Variants in CNOT6 observed in about 807,000 individuals in gnomAD.
The protein encoded by CNOT6 is carbon catabolite repression 4 protein.
In CNOT6, 12 loss-of-function variants were observed where a neutral mutation model predicts 61.2. That is an observed-to-expected ratio of 0.20 (90% confidence interval 0.13 to 0.32). CNOT6 has a LOEUF of 0.32. Among genes scored for constraint, CNOT6 ranks in the 10% least tolerant of loss-of-function variants. The pLI, the probability that CNOT6 is intolerant of heterozygous loss-of-function variation, is 1.00. For missense variants in CNOT6, 405 were observed against 663.9 expected, an observed-to-expected ratio of 0.61 and a Z score of 4.28; for synonymous variants, 225 against 240.6, an observed-to-expected ratio of 0.94 and a Z score of 0.60.
At chr5:180,571,106 A>G (rs1760726152) in intron 10 of CNOT6, 124 bp from the exon 11 acceptor site, 1 of 664,080 alleles carries the variant, frequency 1.5e-6, no homozygotes, top group Non-Finnish European at 2.6e-6. Context: ...AGTCCTGGCA[A>G]ATGTAAAAGG....
At chr5:180,548,550 C>A (rs1162116644) in intron 2 of CNOT6, among the ~76,000 whole-genome samples, 3 of 152,208 alleles carry the variant, frequency 2.0e-5, no homozygotes, top group Admixed American at 6.5e-5. Flanking sequence ...GGATCACTGT[C>A]CTCTACCTGG....
chr5:180,551,950 A>G (rs945479255), intron 3 of CNOT6, among the ~76,000 whole-genome samples: 2 of 148,902 alleles, frequency 1.3e-5, no homozygotes, highest in Non-Finnish European at 3.0e-5. Flanking sequence ...GCTCACTGCA[A>G]CCTCTGCCTC....
At chr5:180,502,365 A>G (rs1168412467) in intron 1 of CNOT6, among the ~76,000 whole-genome samples, 1 of 149,576 alleles carries the variant, frequency 6.7e-6, no homozygotes, top group Admixed American at 6.6e-5. Flanking sequence ...TTCAGTTACT[A>G]GAAGAAGAAG....
chr5:180,535,651 C>A (rs1357872316), intron 2 of CNOT6, among the ~76,000 whole-genome samples: 5 of 152,186 alleles, frequency 3.3e-5, no homozygotes. Context: ...ATGATGATTT[C>A]TTTCCCTTTG....
chr5:180,547,433 T>G (rs985614168), intron 2 of CNOT6, among the ~76,000 whole-genome samples: 2 of 151,740 alleles, frequency 1.3e-5, no homozygotes, highest in African/African-American at 4.8e-5. Flanking sequence ...GGCAGGAGAA[T>G]CGCTTGAACC....
intron 4 of CNOT6, among the ~76,000 whole-genome samples, chr5:180,555,309 A>C (rs556215082): frequency 6.6e-6 from 1 of 152,286 alleles, no homozygotes; most frequent in African/African-American, 2.4e-5. Flanking sequence ...ACCAGGCCAT[A>C]AATTTTCATA....
chr5:180,529,899 T>G (rs1344136080), intron 2 of CNOT6, among the ~76,000 whole-genome samples: 1 of 152,226 alleles, frequency 6.6e-6, no homozygotes. Context: ...CTTAAGAGTT[T>G]GAAGAAGATC....
intron 1 of CNOT6, among the ~76,000 whole-genome samples, chr5:180,499,395 G>C (rs1361327150): frequency 6.6e-6 from 1 of 152,354 alleles, no homozygotes; most frequent in Admixed American, 6.5e-5. Flanking sequence ...CCAGTATCCT[G>C]ATGGTTTGCT....
intron 1 of CNOT6, among the ~76,000 whole-genome samples, chr5:180,524,888 C>G (rs761486871): frequency 6.6e-5 from 10 of 152,302 alleles, no homozygotes; most frequent in Non-Finnish European, 1.5e-5. Context: ...TAAGTGGAGT[C>G]TGGTCAGAAC....
Position 180,549,959 on chromosome 5 carries a change from G to A in CNOT6, c.141G>A (p.Leu47=). 1 of 1,612,834 alleles carries A rather than the reference G, an allele frequency of 6.2e-7. No homozygotes were observed. Among genetic ancestry groups the A allele is most frequent in the Non-Finnish European group, 8.5e-7 (1 of 1,179,156 alleles). The change falls in exon 3 of 12, where the codon TTG becomes TTA. Residue 47 remains leucine (L), a synonymous_variant. Transcript: ENST00000261951. ...AAGTAAGAAGCTTAAGCGCATCTTTGTGGTCACTAACTCACCTGACAGCTT... is the reference window on the plus strand; with the variant it reads ...AAGTAAGAAGCTTAAGCGCATCTTTATGGTCACTAACTCACCTGACAGCTT... The part of the protein sequence containing the change: ...SGKVRSLSAS[L]WSLTHLTALH...
At chr5:180,552,049 A>T (rs1759628302) in intron 3 of CNOT6, among the ~76,000 whole-genome samples, 1 of 151,604 alleles carries the variant, frequency 6.6e-6, no homozygotes, top group Non-Finnish European at 1.5e-5. Context: ...TTGTATTTGT[A>T]GTAGAGACAG....
rs527637612 is a variant in CNOT6 at position 180,520,108 on chromosome 5, A to AT, written c.-2-9166dup. On this transcript the variant is annotated intron_variant, in intron 1 of 11. Coordinates refer to ENST00000261951, the MANE Select transcript of CNOT6 (RefSeq NM_001370472.1). Reference sequence around the variant, plus strand: ...CTCTGCCTGCCAACGTGCTGGGATTATAGGTGTGAGCCACCGCATCCAGCC... The same window carrying AT: ...CTCTGCCTGCCAACGTGCTGGGATTATTAGGTGTGAGCCACCGCATCCAGCC... Among the ~76,000 whole-genome samples, 22 of 152,248 alleles carry AT rather than the reference A, an allele frequency of 1.4e-4. No homozygotes were observed. The South Asian group carries it at 4.6e-3, about 32-fold the overall frequency.
At chr5:180,520,396 C>T (rs2127712736) in intron 1 of CNOT6, among the ~76,000 whole-genome samples, 1 of 152,222 alleles carries the variant, frequency 6.6e-6, no homozygotes, top group East Asian at 1.9e-4. Context: ...GTAATCCCAG[C>T]ACTTTGGGAG....
intron 1 of CNOT6, among the ~76,000 whole-genome samples, chr5:180,499,196 A>G (rs983030338): frequency 2.6e-5 from 4 of 152,214 alleles, no homozygotes; most frequent in Middle Eastern, 3.2e-3. Flanking sequence ...TTTAAAATCA[A>G]AGTGTCAGTA....
At chr5:180,510,134 C>CTTTTTTTTTTTTTTTTTTT (rs56899929) in intron 1 of CNOT6, among the ~76,000 whole-genome samples, 4 of 37,368 alleles carry the variant, frequency 1.1e-4, no homozygotes, top group Non-Finnish European at 1.9e-4. Flanking sequence ...GTCTGTAAAC[C>CTTTTTTTTTTTTTTTTTTT]TTTTTTTTTT....
At chr5:180,553,351 A>G (rs1285680026) in intron 3 of CNOT6, 35 bp from the exon 4 acceptor site, 8 of 1,474,816 alleles carry the variant, frequency 5.4e-6, no homozygotes, top group Non-Finnish European at 7.6e-6. Flanking sequence ...AGGCTAACAT[A>G]TTTTTCTGAC....
chr5:180,549,316 A>G (rs1030266789), intron 2 of CNOT6, among the ~76,000 whole-genome samples: 2 of 152,182 alleles, frequency 1.3e-5, no homozygotes, highest in Non-Finnish European at 2.9e-5. Context: ...TCATTACTAT[A>G]AATTAATCAT....
intron 2 of CNOT6, among the ~76,000 whole-genome samples, chr5:180,544,463 C>T (rs10903261): frequency 0.47 from 70,905 of 151,988 alleles, 17,567 homozygotes; most frequent in Non-Finnish European, 0.56. Flanking sequence ...ATTCCAGAAT[C>T]GTGTGTGTGT....
At chr5:180,515,297 G>C (rs1757585136) in intron 1 of CNOT6, among the ~76,000 whole-genome samples, 1 of 152,052 alleles carries the variant, frequency 6.6e-6, no homozygotes, top group African/African-American at 2.4e-5. Flanking sequence ...TATTAGCTGG[G>C]TGTGGTGGTG....
Sources: allele counts gnomAD v4.1 joint callset (sites outside exome capture counted in the v4.1 genomes callset), GRCh38; gene constraint gnomAD v4.1.1; transcripts MANE v1.5; gene names NCBI Gene and HGNC (gene_info 2026-07-23, HGNC 2026-07-21).